The following PLXNA4 variants were observed in gnomAD, a reference collection of about 807,000 sequenced individuals.
PLXNA4 encodes plexin A4, also known as plexin-A4.
A neutral mutation model predicts 191.8 loss-of-function variants in PLXNA4; 44 were observed. That is an observed-to-expected ratio of 0.23 (90% CI 0.18 to 0.29). The LOEUF is 0.29. Among genes scored for constraint, PLXNA4 ranks in the 10% least tolerant of loss-of-function variants. The pLI is 1.00. For missense variants in PLXNA4, 1,800 were observed against 2,488.8 expected (o/e 0.72, Z 5.89); for synonymous variants, 1,082 against 1,009.5 (o/e 1.07, Z -1.36).
chr7:132,436,259 A>C (rs1325579497), intron 3 of PLXNA4, among the ~76,000 whole-genome samples: 1 of 152,220 alleles, frequency 6.6e-6, no homozygotes, highest in Non-Finnish European at 1.5e-5. Flanking sequence ...GACATGCTGC[A>C]CACTCCGTCC....
At chr7:132,563,003 TCTC>T (rs1236733521) in intron 1 of PLXNA4, among the ~76,000 whole-genome samples, 1 of 22,826 alleles carries the variant, frequency 4.4e-5, no homozygotes, top group Non-Finnish European at 8.4e-5. Context: ...TCCTCCTCCT[TCTC>T]CTCCTCTTTC....
chr7:132,481,214 G>C (rs973489329), intron 3 of PLXNA4, among the ~76,000 whole-genome samples: 2 of 152,098 alleles, frequency 1.3e-5, no homozygotes, highest in Non-Finnish European at 2.9e-5. Flanking sequence ...GGGAAAATCA[G>C]TTTCAACCGC....
chr7:132,488,680 G>A (rs1002154839), intron 3 of PLXNA4, among the ~76,000 whole-genome samples: 13 of 152,250 alleles, frequency 8.5e-5, no homozygotes, highest in South Asian at 2.1e-4. Flanking sequence ...AGCCAAGATC[G>A]CCCAGGACTC....
intron 10 of PLXNA4, among the ~76,000 whole-genome samples, chr7:132,208,280 T>C (rs1338165463): frequency 2.6e-5 from 4 of 152,234 alleles, no homozygotes; most frequent in African/African-American, 9.6e-5. Flanking sequence ...GGCTGCATTC[T>C]ACTGTCTGAG....
chr7:132,136,248 A>G (rs1409755515), intron 30 of PLXNA4, among the ~76,000 whole-genome samples: 1 of 152,162 alleles, frequency 6.6e-6, no homozygotes. Flanking sequence ...GGGAAGCCTT[A>G]CTGATCAGGA....
At chr7:132,414,952 T>C (rs775605320) in intron 3 of PLXNA4, among the ~76,000 whole-genome samples, 3 of 152,140 alleles carry the variant, frequency 2.0e-5, no homozygotes, top group Non-Finnish European at 2.9e-5. Flanking sequence ...AATCAATCCA[T>C]TGGAATCCAC....
chr7:132,603,988 G>A (rs771511374), intron 2 of PLXNA4, among the ~76,000 whole-genome samples: 2 of 152,132 alleles, frequency 1.3e-5, no homozygotes, highest in African/African-American at 2.4e-5. Context: ...GTTGTGGTGA[G>A]GATTTAAACG....
At chr7:132,316,261 T>C (rs1414278141) in intron 3 of PLXNA4, among the ~76,000 whole-genome samples, 1 of 152,216 alleles carries the variant, frequency 6.6e-6, no homozygotes, top group Non-Finnish European at 1.5e-5. Flanking sequence ...ATTCTCCCAG[T>C]TCTCTTCTAG....
chr7:132,273,110 A>G (rs1029940886), intron 4 of PLXNA4, among the ~76,000 whole-genome samples: 3 of 152,150 alleles, frequency 2.0e-5, no homozygotes, highest in Admixed American at 6.5e-5. Flanking sequence ...GCCTGTATGG[A>G]GCAATCATAA....
At chr7:132,418,736 G>A (rs1293416504) in intron 3 of PLXNA4, among the ~76,000 whole-genome samples, 3 of 152,170 alleles carry the variant, frequency 2.0e-5, no homozygotes, top group African/African-American at 7.2e-5. Flanking sequence ...TGGCAGTGAC[G>A]AGCAGAAGGG....
At chr7:132,184,633 T>G (rs1796817098) in intron 16 of PLXNA4, among the ~76,000 whole-genome samples, 1 of 152,140 alleles carries the variant, frequency 6.6e-6, no homozygotes, top group South Asian at 2.1e-4. Context: ...TTGCCCAAGG[T>G]AAATGAAGGT....
intron 1 of PLXNA4, among the ~76,000 whole-genome samples, chr7:132,527,039 G>A (rs1008954187): frequency 4.6e-5 from 7 of 152,144 alleles, no homozygotes; most frequent in African/African-American, 7.2e-5. Flanking sequence ...CCCAGGCCCC[G>A]GGTTAAATCC....
At position 132,227,528 on chromosome 7, in the gene PLXNA4, T is replaced by A. The variant is rs761187852; in HGVS notation, c.1805A>T (p.Asp602Val). Residue 602 changes from aspartate to valine, a missense_variant, in exon 7 of 32, where the codon GAT becomes GTT. Coordinates refer to ENST00000321063, the MANE Select transcript of PLXNA4 (RefSeq NM_020911.2). ...NCTFEDLSEM[D>V]GLVVGNQIQC... is the part of the protein sequence containing the mutation. ...GATCTGATTGCCCACGACCAGCCCA[T>A]CCATCTCTGACAGGTCCTCAAAGGT... 1 of 1,614,136 alleles carries A rather than the reference T, an allele frequency of 6.2e-7. No homozygotes were observed. Among genetic ancestry groups the A allele is most frequent in the Non-Finnish European group, 8.5e-7 (1 of 1,180,032 alleles).
chr7:132,302,201 AT>A (rs1052097429), intron 3 of PLXNA4, among the ~76,000 whole-genome samples: 1 of 152,192 alleles, frequency 6.6e-6, no homozygotes, highest in Non-Finnish European at 1.5e-5. Context: ...CTCATTTAAT[AT>A]TTTTTATAAA....
chr7:132,279,803 A>T (rs1162597553), intron 4 of PLXNA4, among the ~76,000 whole-genome samples: 1 of 152,204 alleles, frequency 6.6e-6, no homozygotes, highest in African/African-American at 2.4e-5. Context: ...GTTGAGATAG[A>T]GAAATCACTT....
chr7:132,202,518 G>T (rs1584836343), intron 12 of PLXNA4, 128 bp downstream of exon 12: 2 of 1,007,634 alleles, frequency 2.0e-6, no homozygotes, highest in East Asian at 5.9e-5. Context: ...ATCCAGCCAG[G>T]CAGAGCAACC....
intron 31 of PLXNA4, among the ~76,000 whole-genome samples, chr7:132,131,073 A>G (rs1452199663): frequency 1.3e-5 from 2 of 152,200 alleles, no homozygotes; most frequent in Non-Finnish European, 2.9e-5. Context: ...TTAGAAAGTC[A>G]TTTGTTTTCA....
chr7:132,197,762 C>T (rs757375496), intron 13 of PLXNA4, among the ~76,000 whole-genome samples: 1 of 152,142 alleles, frequency 6.6e-6, no homozygotes, highest in African/African-American at 2.4e-5. Context: ...ATGGAAACTG[C>T]ACTCACATAC....
At chr7:132,495,674 T>C (rs1797983116) in intron 2 of PLXNA4, among the ~76,000 whole-genome samples, 1 of 152,136 alleles carries the variant, frequency 6.6e-6, no homozygotes, top group Non-Finnish European at 1.5e-5. Context: ...AATGGAAAAG[T>C]ATCATCTAGC....
Sources: allele counts gnomAD v4.1 joint callset (sites outside exome capture counted in the v4.1 genomes callset), GRCh38; gene constraint gnomAD v4.1.1; transcripts MANE v1.5; gene names NCBI Gene and HGNC (gene_info 2026-07-23, HGNC 2026-07-21).